ST6GAL2: variants seen among roughly 807,000 people sequenced by gnomAD.
The protein encoded by ST6GAL2 is ST6 beta-galactoside alpha-2,6-sialyltransferase 2, also known as beta-galactoside alpha-2,6-sialyltransferase 2.
A neutral mutation model predicts 37.5 loss-of-function variants in ST6GAL2; 24 were observed. That is an observed-to-expected ratio of 0.64 (90% CI 0.46 to 0.90). ST6GAL2 has a LOEUF of 0.90. Among genes scored for constraint, ST6GAL2 ranks in the 40% least tolerant of loss-of-function variants. ST6GAL2 has a pLI of 0.00. For synonymous variants in ST6GAL2, 306 were observed against 295.1 expected (o/e 1.04, Z -0.38); for missense variants, 715 against 712.7 (o/e 1.00, Z -0.04).
chr2:106,846,626 C>T (rs918124820), intron 1 of ST6GAL2, among the ~76,000 whole-genome samples: 40 of 152,284 alleles, frequency 2.6e-4, no homozygotes, highest in African/African-American at 7.7e-4. Context: ...ATGCAACATT[C>T]GCTTACATGT....
chr2:106,823,918 C>T (rs1425610708), intron 5 of ST6GAL2, among the ~76,000 whole-genome samples: 1 of 152,152 alleles, frequency 6.6e-6, no homozygotes, highest in East Asian at 1.9e-4. Context: ...GGCAGCTCCA[C>T]CTTCATGACC....
At chr2:106,814,191 G>A (rs1160645046) in intron 5 of ST6GAL2, among the ~76,000 whole-genome samples, 1 of 152,006 alleles carries the variant, frequency 6.6e-6, no homozygotes, top group South Asian at 2.1e-4. Context: ...ACACACTCAG[G>A]ATTCATTATT....
chr2:106,848,396 T>C (rs915871787), intron 1 of ST6GAL2, among the ~76,000 whole-genome samples: 2 of 152,244 alleles, frequency 1.3e-5, no homozygotes, highest in African/African-American at 4.8e-5. Context: ...CTGGTTTCCC[T>C]GCACTGAGCA....
intron 1 of ST6GAL2, among the ~76,000 whole-genome samples, chr2:106,879,974 T>A (rs1465041944): frequency 6.7e-6 from 1 of 148,766 alleles, no homozygotes; most frequent in Non-Finnish European, 1.5e-5. Context: ...TACATACTAT[T>A]ATATACACAT....
upstream of ST6GAL2, chr2:106,887,018 G>C (rs923168767): frequency 1.3e-5 from 2 of 152,200 alleles, no homozygotes; most frequent in Non-Finnish European, 2.9e-5. Context: ...CACCTCCGGG[G>C]CACTCGGGTC....
At chr2:106,879,735 A>G (rs1678665152) in intron 1 of ST6GAL2, among the ~76,000 whole-genome samples, 1 of 147,654 alleles carries the variant, frequency 6.8e-6, no homozygotes, top group African/African-American at 2.5e-5. Context: ...ATATAGACCA[A>G]TTATATATTA....
intron 1 of ST6GAL2, among the ~76,000 whole-genome samples, chr2:106,879,677 T>A (rs1678660597): frequency 6.7e-6 from 1 of 148,994 alleles, no homozygotes; most frequent in Admixed American, 6.7e-5. Context: ...ATAGAAATTA[T>A]ATATTAGACC....
intron 1 of ST6GAL2, among the ~76,000 whole-genome samples, chr2:106,884,938 T>C (rs28537515): frequency 0.23 from 28,086 of 122,928 alleles, 4,990 homozygotes; most frequent in African/African-American, 0.47. Flanking sequence ...TATATATACA[T>C]ACACACACAC....
intron 1 of ST6GAL2, among the ~76,000 whole-genome samples, chr2:106,845,832 T>C (rs893440551): frequency 1.3e-5 from 2 of 152,136 alleles, no homozygotes; most frequent in Non-Finnish European, 2.9e-5. Context: ...CTTGGACTAG[T>C]AGAATATGGC....
chr2:106,832,532 C>T (rs12623034), intron 4 of ST6GAL2, 33 bp downstream of exon 4: 113,237 of 1,152,132 alleles, frequency 0.098, 9,945 homozygotes, highest in East Asian at 0.44. Context: ...ATTGTCTGAC[C>T]GTTGGGGTGG....
chr2:106,886,767 G>C (rs1573342175), upstream of ST6GAL2: 1 of 152,004 alleles, frequency 6.6e-6, no homozygotes, highest in African/African-American at 2.4e-5. Flanking sequence ...AAGTTGGGCT[G>C]CCCCCTCCCC....
chr2:106,814,888 G>A (rs1264331572), intron 5 of ST6GAL2, among the ~76,000 whole-genome samples: 1 of 152,168 alleles, frequency 6.6e-6, no homozygotes, highest in South Asian at 2.1e-4. Context: ...ATCTGACTAG[G>A]GATGAAAGAG....
Position 106,843,539 on chromosome 2 carries a change from TC to T in ST6GAL2, c.438del (p.Thr147HisfsTer27). The part of the protein sequence containing the change: ...GQPGWHSHTQ[G>X]TLGFPSPGEP... The stretch of plus-strand genomic sequence containing the variant: ...TCCCCGGGGGAAGGGAATCCCAATG[TC>T]CCCTGAGTGTGGCTGTGCCACCCTG... On this transcript the variant is annotated frameshift_variant, in exon 2 of 6. Coordinates refer to ENST00000409382, the MANE Select transcript of ST6GAL2 (RefSeq NM_001142351.2). LOFTEE classifies it high-confidence loss of function. 1 of 1,613,882 alleles carries T rather than the reference TC, an allele frequency of 6.2e-7. No homozygotes were observed. The highest frequency in any genetic ancestry group is 8.5e-7 in the Non-Finnish European group (1 of 1,179,982).
chr2:106,862,957 A>G (rs1677869068), intron 1 of ST6GAL2, among the ~76,000 whole-genome samples: 1 of 151,978 alleles, frequency 6.6e-6, no homozygotes, highest in Non-Finnish European at 1.5e-5. Context: ...CAATAATAGA[A>G]TCATGAGTGC....
chr2:106,824,356 G>A (rs1676120872), intron 5 of ST6GAL2, among the ~76,000 whole-genome samples: 1 of 152,186 alleles, frequency 6.6e-6, no homozygotes, highest in Non-Finnish European at 1.5e-5. Context: ...GAATAGGCCA[G>A]GCAAGGTGAC....
rs6754728 is a variant in ST6GAL2, at chr2:106,858,454, T to C, written c.-57-14420A>G. ...AAGACTCCCCAGCCCTAAAGGATAA[T>C]TGGGGCAAAGGAATCAGAGGAGAGT... On this transcript the variant is annotated intron_variant, in intron 1 of 5. Coordinates refer to ENST00000409382, the MANE Select transcript of ST6GAL2 (RefSeq NM_001142351.2). Among the ~76,000 whole-genome samples, 1,115 of 152,278 alleles carry C rather than the reference T, an allele frequency of 7.3e-3. 17 individuals are homozygous for C. Among genetic ancestry groups the C allele is most frequent in the African/African-American group, 0.025 (1,044 of 41,558 alleles).
intron 5 of ST6GAL2, chr2:106,813,151 C>T (rs778075480): frequency 7.3e-6 from 9 of 1,232,026 alleles, no homozygotes; most frequent in Admixed American, 4.3e-5. Flanking sequence ...CTCACTCTGT[C>T]GTCCAGGCTG....
chr2:106,858,390 T>C (rs139565390), intron 1 of ST6GAL2, among the ~76,000 whole-genome samples: 4,622 of 152,246 alleles, frequency 0.03, 102 homozygotes, highest in Non-Finnish European at 0.046. Flanking sequence ...TCCATTCCCT[T>C]TTACCCTACA....
In ST6GAL2 at chr2:106,832,681, A is replaced by G. The variant is rs751358609; in HGVS notation, c.1042-15T>C. 24 of 1,525,254 alleles carry G rather than the reference A, an allele frequency of 1.6e-5. 1 individual carries two copies. In the South Asian group the frequency reaches 2.7e-4, roughly 17 times the overall value. 94.5% of individuals were successfully genotyped at this position (1,525,254 alleles called of 1,614,324 possible). On this transcript the variant is annotated splice_polypyrimidine_tract_variant and intron_variant, in intron 3 of 5. Transcript: ENST00000409382. ...TTGGTCAGAATCTGCAAACACACAG[A>G]AAAACCATTTCAAAGCCAGGGTTTG... is the stretch of plus-strand genomic sequence containing the variant.
Sources: allele counts gnomAD v4.1 joint callset (sites outside exome capture counted in the v4.1 genomes callset), GRCh38; gene constraint gnomAD v4.1.1; transcripts MANE v1.5; gene names NCBI Gene and HGNC (gene_info 2026-07-23, HGNC 2026-07-21).